The following PFKP variants were observed in gnomAD, a reference collection of about 807,000 sequenced individuals.
The protein encoded by PFKP is phosphofructokinase, platelet.
PFKP carries 101 observed loss-of-function variants against 94.3 expected under a neutral mutation model. The observed-to-expected ratio is 1.07, with a 90% CI of 0.91 to 1.26. The LOEUF is 1.26. PFKP is among the 50% of genes most tolerant of loss of function. PFKP has a pLI of 0.00. For missense variants in PFKP, 1,145 were observed against 1,103.3 expected (o/e 1.04, Z -0.53); for synonymous variants, 573 against 432.6 (o/e 1.32, Z -4.03).
chr10:3,120,581 G>A (rs547070437), intron 16 of PFKP, among the ~76,000 whole-genome samples: 1 of 152,292 alleles, frequency 6.6e-6, no homozygotes, highest in East Asian at 1.9e-4. Context: ...AACTGGGGAT[G>A]TTAAATTACC....
At chr10:3,069,370 A>G (rs1463067716) in intron 1 of PFKP, 4 of 1,589,974 alleles carry the variant, frequency 2.5e-6, no homozygotes, top group Non-Finnish European at 3.4e-6. Context: ...CGTGACTTAA[A>G]CCGGCCCGGA....
At chr10:3,108,021 G>A (rs755022247) in intron 8 of PFKP, 2 of 1,289,294 alleles carry the variant, frequency 1.6e-6, no homozygotes, top group South Asian at 1.2e-5. Flanking sequence ...AAGGAGCAAA[G>A]CATATCTCTG....
In PFKP at chr10:3,095,917, A is replaced by G. The variant is rs557034273; in HGVS notation, c.187-3358A>G. Among the ~76,000 whole-genome samples the G allele has an allele frequency of 2.0e-5, 3 of 152,060 alleles. No homozygotes were observed. The East Asian group carries it at 5.9e-4, about 30-fold the overall frequency. On this transcript the variant is annotated intron_variant, in intron 2 of 21. Coordinates refer to ENST00000381125, the MANE Select transcript of PFKP (RefSeq NM_002627.5). ...TAGCTCACGCATGCACTAGACAGGG[A>G]GCATTGGAGGTGGCACTCAGAAAGC...
At chr10:3,067,754 C>G in intron 1 of PFKP, 47 bp downstream of exon 1, 1 of 1,052,998 alleles carries the variant, frequency 9.5e-7, no homozygotes, top group East Asian at 3.2e-5. Context: ...ACGGACGGAG[C>G]TGGGGAGAAC....
chr10:3,131,705 C>T (rs534556000), intron 17 of PFKP, among the ~76,000 whole-genome samples: 100 of 152,156 alleles, frequency 6.6e-4, no homozygotes, highest in African/African-American at 2.1e-3. Flanking sequence ...GCAATCTATC[C>T]GCCTTGGCCT....
chr10:3,134,171 A>G (rs2306310), intron 19 of PFKP, among the ~76,000 whole-genome samples: 1 of 152,136 alleles, frequency 6.6e-6, no homozygotes, highest in African/African-American at 2.4e-5. Flanking sequence ...AACGGTTATC[A>G]GATTAAAGCT....
intron 19 of PFKP, among the ~76,000 whole-genome samples, chr10:3,133,703 A>T (rs1838873087): frequency 6.6e-6 from 1 of 150,672 alleles, no homozygotes; most frequent in South Asian, 2.1e-4. Flanking sequence ...AGTGGTGGGA[A>T]TACAGGCCTG....
Position 3,135,791 on chromosome 10 carries a change from CGT to C in PFKP, c.2179_2180del (p.Val727TyrfsTer15). 6.2e-7 allele frequency: 1 copy of C among 1,613,654 alleles called. No homozygotes were observed. ...GTGTGCTGGGAATAAGCAAAAGAAA[CGT>C]TATTTTTCAACCTGTGGCAGAGCTG... is the stretch of plus-strand genomic sequence containing the variant. Reference protein sequence around the residue: ...ICVLGISKRNVIFQPVAELKK... With the variant: ...ICVLGISKRNXIFQPVAELKK... On this transcript the variant is annotated frameshift_variant, in exon 21 of 22. Transcript: ENST00000381125. LOFTEE classifies it low-confidence loss of function (END_TRUNC).
At chr10:3,095,235 C>CTAAG in intron 2 of PFKP, among the ~76,000 whole-genome samples, 1 of 151,418 alleles carries the variant, frequency 6.6e-6, no homozygotes, top group South Asian at 2.1e-4. Flanking sequence ...GAGAAAGCCA[C>CTAAG]CCATAGGTGA....
chr10:3,112,151 C>A, intron 10 of PFKP, 71 bp from the exon 11 acceptor site: 2 of 1,284,950 alleles, frequency 1.6e-6, no homozygotes, highest in South Asian at 2.4e-5. Flanking sequence ...CCGAGCCAGT[C>A]TCTACCTACC....
In PFKP at chr10:3,136,633, CACTT is replaced by C; in HGVS notation, c.*56_*59del. ...CACCGTGGACTGTCTGTTTTTGTAA[CACTT>C]AAGTTATTTTATCAGCACTTTATGC... On this transcript the variant is annotated 3_prime_UTR_variant, in exon 22 of 22. Coordinates refer to ENST00000381125, the MANE Select transcript of PFKP (RefSeq NM_002627.5). The C allele has an allele frequency of 6.3e-7, 1 of 1,583,070 alleles. No homozygotes were observed. Among genetic ancestry groups the C allele is most frequent in the Non-Finnish European group, 8.6e-7 (1 of 1,157,916 alleles).
At chr10:3,081,801 C>A (rs1833099897) in intron 1 of PFKP, among the ~76,000 whole-genome samples, 1 of 151,976 alleles carries the variant, frequency 6.6e-6, no homozygotes, top group South Asian at 2.1e-4. Context: ...TGTAAACAGA[C>A]CTACATGATG....
rs1310432657 is a variant in PFKP, at chr10:3,129,959, G to C, written c.1824G>C (p.Glu608Asp). Residue 608 changes from glutamate to aspartate, a missense_variant, in exon 17 of 22, where the codon GAG (glutamate) becomes GAC (aspartate). Glu to Asp is a conservative substitution (Grantham distance 45). This residue lies in a region of PFKP where 1,119 missense variants were observed against 1,062.8 expected (regional missense o/e 1.05). Coordinates refer to ENST00000381125, the MANE Select transcript of PFKP (RefSeq NM_002627.5). Reference sequence around the variant, plus strand: ...CTGATGCCGCATACATTTTCGAAGAGCCCTTCGACATCAGGGATCTGCAGG... The same window carrying C: ...CTGATGCCGCATACATTTTCGAAGACCCCTTCGACATCAGGGATCTGCAGG... ...AGADAAYIFE[E>D]PFDIRDLQSN... 6.3e-7 allele frequency: 1 copy of C among 1,590,670 alleles called. No homozygotes were observed. Among genetic ancestry groups the C allele is most frequent in the East Asian group, 2.2e-5 (1 of 44,550 alleles).
At chr10:3,113,211 T>A in intron 12 of PFKP, 23 bp downstream of exon 12, 1 of 1,606,358 alleles carries the variant, frequency 6.2e-7, no homozygotes, top group Admixed American at 1.7e-5. Flanking sequence ...CCTCCCGCGA[T>A]GCCCCGACCT....
intron 2 of PFKP, among the ~76,000 whole-genome samples, chr10:3,087,420 C>A (rs925888016): frequency 1.3e-5 from 2 of 152,156 alleles, no homozygotes; most frequent in African/African-American, 2.4e-5. Context: ...CCTCTTCCTG[C>A]CCCTGCCCTC....
chr10:3,119,606 A>G (rs1588527867), intron 15 of PFKP, among the ~76,000 whole-genome samples: 1 of 5,030 alleles, frequency 2.0e-4, no homozygotes, highest in African/African-American at 4.1e-4. Context: ...CTCCGTCTCA[A>G]AAAACAAAAA....
chr10:3,076,500 G>T (rs78640194), intron 1 of PFKP, among the ~76,000 whole-genome samples: 2 of 152,014 alleles, frequency 1.3e-5, no homozygotes, highest in Non-Finnish European at 2.9e-5. Flanking sequence ...AGGTCTGCAG[G>T]CTCTCCGATT....
intron 3 of PFKP, among the ~76,000 whole-genome samples, chr10:3,099,933 GTC>G (rs910381546): frequency 4.6e-5 from 7 of 151,800 alleles, no homozygotes; most frequent in Non-Finnish European, 1.0e-4. Flanking sequence ...AGGTGTGTGA[GTC>G]TGAGTGTGTA....
chr10:3,132,342 G>A (rs751321333), intron 17 of PFKP, 38 bp from the exon 18 acceptor site: 1 of 1,468,078 alleles, frequency 6.8e-7, no homozygotes, highest in South Asian at 1.1e-5. Context: ...GTACTTAGTA[G>A]AAGTTTATTG....
Sources: gnomAD v4.1 joint callset for allele counts (sites outside exome capture counted in the v4.1 genomes callset) on GRCh38, gnomAD v4.1.1 for gene constraint, gnomAD v4.1.1 regional missense constraint, MANE v1.5 for transcripts, NCBI Gene and HGNC (gene_info 2026-07-23, HGNC 2026-07-21) for gene names.